Variants in PHF3 observed in about 807,000 individuals in gnomAD.
PHF3 encodes PHD finger protein 3.
Under a neutral mutation model 178.4 loss-of-function variants are expected in PHF3, and 41 were observed. The ratio of observed to expected loss-of-function variants is 0.23; its 90% CI spans 0.18 to 0.30. PHF3 has a LOEUF of 0.30. Among genes scored for constraint, PHF3 ranks in the 10% least tolerant of loss-of-function variants. The pLI is 1.00. For synonymous variants in PHF3, 842 were observed against 800.5 expected (o/e 1.05, Z -0.88); for missense variants, 2,346 against 2,398.1 (o/e 0.98, Z 0.45).
At chr6:63,689,738 C>T (rs1274590669) in intron 4 of PHF3, among the ~76,000 whole-genome samples, 1 of 152,134 alleles carries the variant, frequency 6.6e-6, no homozygotes, top group Non-Finnish European at 1.5e-5. Context: ...TCAAACCACT[C>T]TTCCCTGGTT....
chr6:63,669,931 TGTA>T (rs1171176303), intron 2 of PHF3, among the ~76,000 whole-genome samples: 1 of 152,220 alleles, frequency 6.6e-6, no homozygotes, highest in African/African-American at 2.4e-5. Context: ...TTTTCCAAGT[TGTA>T]GTAATTCTCT....
In PHF3 at chr6:63,713,286, C is replaced by A; in HGVS notation, c.5698C>A (p.Pro1900Thr). 1 of 1,613,942 alleles carries A rather than the reference C, an allele frequency of 6.2e-7. No individual in the cohort carries two copies. Among genetic ancestry groups the A allele is most frequent in the South Asian group, 1.1e-5 (1 of 91,074 alleles). ...GAGGCCAGAAAGGCGCCATAGTGAC[C>A]CTTGGGGTAGGCAAGACCAACAGCA... is the stretch of plus-strand genomic sequence containing the variant. ...IRRPERRHSD[P>T]WGRQDQQQLD... Residue 1900 changes from proline to threonine, a missense_variant, in exon 16 of 16, where the codon CCT (proline) becomes ACT (threonine). Coordinates refer to ENST00000262043, the MANE Select transcript of PHF3 (RefSeq NM_001370348.2).
chr6:63,657,968 A>T (rs1408784353), intron 2 of PHF3, among the ~76,000 whole-genome samples: 2 of 152,184 alleles, frequency 1.3e-5, no homozygotes, highest in East Asian at 3.9e-4. Context: ...TTATCATTAG[A>T]TGGTAACTGT....
intron 1 of PHF3, among the ~76,000 whole-genome samples, chr6:63,645,246 AAC>A (rs1425297627): frequency 6.6e-6 from 1 of 152,152 alleles, no homozygotes; most frequent in Non-Finnish European, 1.5e-5. Context: ...GTGAAAGGGT[AAC>A]ACTTACTAAT....
rs115110786 is a variant in PHF3, at chr6:63,677,303, A to G, written c.245-2697A>G. 6.4e-3 allele frequency among the ~76,000 whole-genome samples: 967 copies of G among 151,928 alleles called. 9 individuals carry two copies. Among genetic ancestry groups the G allele is most frequent in the African/African-American group, 0.022 (905 of 41,428 alleles). On this transcript the variant is annotated intron_variant, in intron 2 of 15. Coordinates refer to ENST00000262043, the MANE Select transcript of PHF3 (RefSeq NM_001370348.2). ...GTATGAGTGTAGATAAAGAAGAAAG[A>G]TGGGGGGACTGAACTGTTGTATCCT...
intron 6 of PHF3, 129 bp from the exon 7 acceptor site, chr6:63,698,094 A>G (rs1767310102): frequency 1.5e-6 from 1 of 679,164 alleles, no homozygotes; most frequent in African/African-American, 1.8e-5. Context: ...ATATTTCAAT[A>G]TGGATTGTGG....
At chr6:63,667,394 C>G (rs572595506) in intron 2 of PHF3, among the ~76,000 whole-genome samples, 1 of 152,108 alleles carries the variant, frequency 6.6e-6, no homozygotes. Flanking sequence ...ACAGTATACT[C>G]ACATTTAGTC....
At chr6:63,661,607 A>T (rs1047090263) in intron 2 of PHF3, among the ~76,000 whole-genome samples, 1 of 152,186 alleles carries the variant, frequency 6.6e-6, no homozygotes, top group African/African-American at 2.4e-5. Flanking sequence ...GCAGTATTAC[A>T]GGGGCTAACA....
chr6:63,659,156 A>C (rs928356880), intron 2 of PHF3, among the ~76,000 whole-genome samples: 1 of 152,218 alleles, frequency 6.6e-6, no homozygotes, highest in East Asian at 1.9e-4. Flanking sequence ...CTCACCACAA[A>C]AAAGTTGATG....
chr6:63,682,890 CCTT>C (rs1373146034), intron 3 of PHF3, among the ~76,000 whole-genome samples: 1 of 151,884 alleles, frequency 6.6e-6, no homozygotes, highest in Non-Finnish European at 1.5e-5. Flanking sequence ...GTGTTAAAAT[CCTT>C]CATTTGTTTC....
At chr6:63,671,507 T>C (rs1388392821) in intron 2 of PHF3, among the ~76,000 whole-genome samples, 1 of 152,166 alleles carries the variant, frequency 6.6e-6, no homozygotes, top group Non-Finnish European at 1.5e-5. Flanking sequence ...TGACTTGGGC[T>C]AGTTAGGGAA....
At position 63,720,948 on chromosome 6, in the gene PHF3, ATTCT is replaced by A. The variant is rs1427770112; in HGVS notation, c.*7245_*7248del. 3 of 1,551,316 alleles carry A rather than the reference ATTCT, an allele frequency of 1.9e-6. No individual in the cohort carries two copies. The highest frequency in any genetic ancestry group is 1.7e-6 in the Non-Finnish European group (2 of 1,146,752). Reference sequence around the variant, plus strand: ...ATTGTTATAGCTCATAGGCACAGAGATTCTTTCTCCCAAGTTAACTGCTATTTTC... The same window carrying A: ...ATTGTTATAGCTCATAGGCACAGAGATTCTCCCAAGTTAACTGCTATTTTC... On this transcript the variant is annotated 3_prime_UTR_variant, in exon 16 of 16. Transcript: ENST00000262043.
At chr6:63,638,968 G>A (rs1764463623) in intron 1 of PHF3, among the ~76,000 whole-genome samples, 1 of 152,080 alleles carries the variant, frequency 6.6e-6, no homozygotes, top group Admixed American at 6.6e-5. Flanking sequence ...TCTATTCTCA[G>A]TAAAGATATT....
At chr6:63,687,675 T>C (rs943834785) in intron 4 of PHF3, among the ~76,000 whole-genome samples, 3 of 152,220 alleles carry the variant, frequency 2.0e-5, no homozygotes, top group African/African-American at 7.2e-5. Flanking sequence ...ACTAACCTTG[T>C]AGATAAAGTT....
At position 63,711,897 on chromosome 6, in the gene PHF3, C is replaced by G. The variant is rs1767943330; in HGVS notation, c.4309C>G (p.Pro1437Ala). 1 of 1,613,998 alleles carries G rather than the reference C, an allele frequency of 6.2e-7. No individual in the cohort carries two copies. Among genetic ancestry groups the G allele is most frequent in the East Asian group, 2.2e-5 (1 of 44,872 alleles). The change falls in exon 16 of 16, where the codon CCA becomes GCA. Residue 1437 changes from proline to alanine, a missense_variant. Transcript: ENST00000262043. ...AATGGAAGTCACCAAACAGGAGCCA[C>G]CAAAACCTTTAAGATTTCTTCCTGG... ...PLMEVTKQEP[P>A]KPLRFLPGVL...
At chr6:63,686,112 A>T (rs984175014) in intron 4 of PHF3, 44 of 522,332 alleles carry the variant, frequency 8.4e-5, no homozygotes, top group Non-Finnish European at 1.3e-4. Context: ...TAGAACATTT[A>T]AAAAAGCATA....
rs957840459 is a variant in PHF3 at position 63,722,445 on chromosome 6, A to G, written c.*8737A>G. On this transcript the variant is annotated 3_prime_UTR_variant, in exon 16 of 16. Coordinates refer to ENST00000262043, the MANE Select transcript of PHF3 (RefSeq NM_001370348.2). ...ATATCACTAGGTTTCCCTCCATTAC[A>G]GTATATCTCATTTTATAATTATATA... Among the ~76,000 whole-genome samples the G allele has an allele frequency of 3.3e-5, 5 of 152,146 alleles. No individual in the cohort carries two copies. The highest frequency in any genetic ancestry group is 1.2e-4 in the African/African-American group (5 of 41,434).
At chr6:63,694,848 T>TAACATTA in intron 6 of PHF3, 84 bp downstream of exon 6, 1 of 793,226 alleles carries the variant, frequency 1.3e-6, no homozygotes, top group Non-Finnish European at 1.7e-6. Flanking sequence ...TTAGGGAATT[T>TAACATTA]TTACAAATTT....
rs1293062571 is a variant in PHF3 at position 63,722,487 on chromosome 6, G to A, written c.*8779G>A. ...AATTATATAGTCGTGTGAAGAAATA[G>A]GAACAAATACCATCCAGCATCTGAA... is the stretch of plus-strand genomic sequence containing the variant. On this transcript the variant is annotated 3_prime_UTR_variant, in exon 16 of 16. Transcript: ENST00000262043. 6.6e-6 allele frequency among the ~76,000 whole-genome samples: 1 copy of A among 152,080 alleles called. No homozygotes were observed. Among genetic ancestry groups the A allele is most frequent in the African/African-American group, 2.4e-5 (1 of 41,396 alleles).
Sources: allele counts gnomAD v4.1 joint callset (sites outside exome capture counted in the v4.1 genomes callset), GRCh38; gene constraint gnomAD v4.1.1; transcripts MANE v1.5; gene names NCBI Gene and HGNC (gene_info 2026-07-23, HGNC 2026-07-21).